Variants in ASXL3 observed in about 807,000 individuals in gnomAD.
ASXL3 encodes the protein putative Polycomb group protein ASXL3.
Under a neutral mutation model 170.6 loss-of-function variants are expected in ASXL3, and 34 were observed. The ratio of observed to expected loss-of-function variants is 0.20; its 90% CI spans 0.15 to 0.27. The LOEUF is 0.27. ASXL3 is among the 10% of genes least tolerant of loss of function. The probability of loss-of-function intolerance (pLI) is 1.00; values close to 1 mark genes in which losing one functional copy is unlikely to be tolerated. For missense variants in ASXL3, 2,592 were observed against 2,695.3 expected, an observed-to-expected ratio of 0.96 and a Z score of 0.85; for synonymous variants, 1,002 against 989.1, an observed-to-expected ratio of 1.01 and a Z score of -0.24.
At chr18:33,584,904 GTA>G (rs890709582) in intron 1 of ASXL3, among the ~76,000 whole-genome samples, 36 of 151,294 alleles carry the variant, frequency 2.4e-4, no homozygotes, top group African/African-American at 8.7e-4. Context: ...ATGTGTGTCT[GTA>G]TGTGTGTGTG....
chr18:33,604,925 C>G (rs2065227654), intron 1 of ASXL3, among the ~76,000 whole-genome samples: 1 of 151,858 alleles, frequency 6.6e-6, no homozygotes, highest in African/African-American at 2.4e-5. Flanking sequence ...TAATATTTCA[C>G]TTTAGCAAAA....
intron 8 of ASXL3, among the ~76,000 whole-genome samples, chr18:33,691,844 A>T (rs1378944229): frequency 6.6e-6 from 1 of 152,218 alleles, no homozygotes; most frequent in Non-Finnish European, 1.5e-5. Context: ...GCATTCCAAT[A>T]GAGGAAACAA....
At chr18:33,619,076 G>T (rs1053224031) in intron 2 of ASXL3, among the ~76,000 whole-genome samples, 9 of 152,120 alleles carry the variant, frequency 5.9e-5, no homozygotes, top group African/African-American at 2.2e-4. Flanking sequence ...TGAAACAAAA[G>T]ATTTGAGATG....
At chr18:33,693,065 G>A (rs959725371) in intron 8 of ASXL3, among the ~76,000 whole-genome samples, 7 of 152,198 alleles carry the variant, frequency 4.6e-5, no homozygotes, top group Non-Finnish European at 7.4e-5. Context: ...CCTTATCTCC[G>A]AAGAAAATCA....
At chr18:33,638,153 C>T (rs569782530) in intron 2 of ASXL3, among the ~76,000 whole-genome samples, 86 of 149,854 alleles carry the variant, frequency 5.7e-4, no homozygotes, top group East Asian at 1.8e-3. Context: ...ATATAATACA[C>T]GCACATAGTG....
In ASXL3 at chr18:33,679,582, A is replaced by T. The variant is rs115992700; in HGVS notation, c.716-3823A>T. Among the ~76,000 whole-genome samples, 993 of 152,148 alleles carry T rather than the reference A, an allele frequency of 6.5e-3. 11 individuals are homozygous for T. Among genetic ancestry groups the T allele is most frequent in the African/African-American group, 0.023 (950 of 41,548 alleles). On this transcript the variant is annotated intron_variant, in intron 7 of 11. Coordinates refer to ENST00000269197, the MANE Select transcript of ASXL3 (RefSeq NM_030632.3). Reference sequence around the variant, plus strand: ...TATAATGAAATAGGGAGTTCCAGAGATAGGTCAAGAAAGTAAGTCTCCCAC... The same window carrying T: ...TATAATGAAATAGGGAGTTCCAGAGTTAGGTCAAGAAAGTAAGTCTCCCAC...
chr18:33,719,895 C>T (rs2061194721), intron 8 of ASXL3, among the ~76,000 whole-genome samples: 1 of 151,960 alleles, frequency 6.6e-6, no homozygotes, highest in Non-Finnish European at 1.5e-5. Context: ...TATAAGCTGC[C>T]CAGTCTATGG....
chr18:33,720,229 A>G (rs2067236162), intron 8 of ASXL3, among the ~76,000 whole-genome samples: 1 of 152,092 alleles, frequency 6.6e-6, no homozygotes, highest in Admixed American at 6.6e-5. Flanking sequence ...GGATCAGCAG[A>G]AGCTGTCTAT....
chr18:33,714,076 T>C (rs766992261), intron 8 of ASXL3, among the ~76,000 whole-genome samples: 12 of 152,164 alleles, frequency 7.9e-5, no homozygotes, highest in Non-Finnish European at 2.9e-5. Flanking sequence ...TCTGTATCTT[T>C]CCTTTTTGCC....
chr18:33,610,425 A>G (rs1453690892), intron 2 of ASXL3, among the ~76,000 whole-genome samples: 2 of 152,008 alleles, frequency 1.3e-5, no homozygotes, highest in Non-Finnish European at 2.9e-5. Context: ...TCCCCCAAAC[A>G]GTCCTCCACT....
At chr18:33,634,480 A>G (rs546538529) in intron 2 of ASXL3, among the ~76,000 whole-genome samples, 33 of 152,272 alleles carry the variant, frequency 2.2e-4, no homozygotes, top group African/African-American at 7.7e-4. Flanking sequence ...AAATATATCT[A>G]AATCTATAGC....
At chr18:33,693,654 T>C (rs1295281178) in intron 8 of ASXL3, among the ~76,000 whole-genome samples, 4 of 152,138 alleles carry the variant, frequency 2.6e-5, no homozygotes, top group Admixed American at 6.6e-5. Context: ...CTGAGAATCA[T>C]TGAGGGCACA....
intron 8 of ASXL3, among the ~76,000 whole-genome samples, chr18:33,718,195 G>T (rs547967625): frequency 6.6e-6 from 1 of 152,232 alleles, no homozygotes; most frequent in South Asian, 2.1e-4. Flanking sequence ...CCTTCAGGGA[G>T]ATTATAGTCT....
At chr18:33,693,646 G>A (rs1330708735) in intron 8 of ASXL3, among the ~76,000 whole-genome samples, 1 of 152,086 alleles carries the variant, frequency 6.6e-6, no homozygotes, top group Non-Finnish European at 1.5e-5. Context: ...AGTAGTTGCT[G>A]AGAATCATTG....
In ASXL3 at chr18:33,693,892, C is replaced by T. The variant is rs540163528; in HGVS notation, c.879+10324C>T. On this transcript the variant is annotated intron_variant, in intron 8 of 11. Coordinates refer to ENST00000269197, the MANE Select transcript of ASXL3 (RefSeq NM_030632.3). ...GTGGTTGATTATGAGGTTCAGGCAGCATAGGAAGGAAAGTAAGGTTGGAGG... is the reference window on the plus strand; with the variant it reads ...GTGGTTGATTATGAGGTTCAGGCAGTATAGGAAGGAAAGTAAGGTTGGAGG... Among the ~76,000 whole-genome samples the T allele has an allele frequency of 8.5e-5, 13 of 152,128 alleles. No individual in the cohort carries two copies. The South Asian group carries it at 2.5e-3, about 29-fold the overall frequency.
At chr18:33,734,672 G>A (rs182719499) in intron 10 of ASXL3, among the ~76,000 whole-genome samples, 12 of 152,196 alleles carry the variant, frequency 7.9e-5, no homozygotes, top group Admixed American at 6.5e-4. Context: ...AAATCTTAAA[G>A]TAGTCACTTT....
At chr18:33,619,365 A>C (rs548547196) in intron 2 of ASXL3, among the ~76,000 whole-genome samples, 14 of 152,192 alleles carry the variant, frequency 9.2e-5, no homozygotes, top group Admixed American at 5.9e-4. Context: ...TTACTCACCA[A>C]AATGAAAGTC....
intron 2 of ASXL3, among the ~76,000 whole-genome samples, chr18:33,634,935 A>G (rs1394100882): frequency 6.6e-6 from 1 of 152,084 alleles, no homozygotes; most frequent in Non-Finnish European, 1.5e-5. Flanking sequence ...TAAATGCTAC[A>G]ATAGTAGCAT....
intron 1 of ASXL3, among the ~76,000 whole-genome samples, chr18:33,583,355 T>A (rs1396527565): frequency 6.6e-6 from 1 of 152,162 alleles, no homozygotes; most frequent in Non-Finnish European, 1.5e-5. Flanking sequence ...GCTAATATAG[T>A]TTTGCAAATG....
Sources: gnomAD v4.1 joint callset for allele counts (sites outside exome capture counted in the v4.1 genomes callset) on GRCh38, gnomAD v4.1.1 for gene constraint, MANE v1.5 for transcripts, NCBI Gene and HGNC (gene_info 2026-07-23, HGNC 2026-07-21) for gene names.